MIOS: variants seen among roughly 807,000 people sequenced by gnomAD.
MIOS encodes the protein GATOR2 complex protein MIOS.
A neutral mutation model predicts 96.9 loss-of-function variants in MIOS; 52 were observed. The observed-to-expected ratio is 0.54, with a 90% CI of 0.43 to 0.68. The LOEUF (loss-of-function observed/expected upper bound fraction) is 0.68. Ranked by LOEUF, MIOS falls within the 30% of genes least tolerant of loss-of-function variation. The pLI, the probability that MIOS is intolerant of heterozygous loss-of-function variation, is 0.00. For missense variants in MIOS, 1,005 were observed against 1,052.8 expected, an observed-to-expected ratio of 0.95 and a Z score of 0.63; for synonymous variants, 397 against 359.5, an observed-to-expected ratio of 1.10 and a Z score of -1.18.
intron 8 of MIOS, among the ~76,000 whole-genome samples, 162 bp downstream of exon 8, chr7:7,588,725 C>A (rs774384143): frequency 2.5e-4 from 38 of 152,016 alleles, no homozygotes; most frequent in Non-Finnish European, 4.7e-4. Context: ...AAAATGTCTA[C>A]CATAACTAAA....
At chr7:7,601,711 A>G (rs1251531343) in intron 11 of MIOS, among the ~76,000 whole-genome samples, 2 of 152,230 alleles carry the variant, frequency 1.3e-5, no homozygotes, top group Non-Finnish European at 2.9e-5. Flanking sequence ...AATCCTCCCC[A>G]ACTCATTTTA....
chr7:7,599,912 C>A (rs1164038172), intron 11 of MIOS, among the ~76,000 whole-genome samples: 1 of 152,070 alleles, frequency 6.6e-6, no homozygotes, highest in Non-Finnish European at 1.5e-5. Flanking sequence ...TTATCCTAAG[C>A]AAACTAACAC....
At chr7:7,603,936 A>G (rs1054004332) in intron 11 of MIOS, among the ~76,000 whole-genome samples, 17 of 152,034 alleles carry the variant, frequency 1.1e-4, no homozygotes, top group African/African-American at 3.9e-4. Flanking sequence ...GCTGGAAACC[A>G]TCATTCTCAG....
intron 3 of MIOS, among the ~76,000 whole-genome samples, chr7:7,571,338 C>T (rs1399268273): frequency 6.6e-6 from 1 of 152,128 alleles, no homozygotes; most frequent in Non-Finnish European, 1.5e-5. Flanking sequence ...TACTTTAACA[C>T]TTATTCAAAG....
intron 7 of MIOS, among the ~76,000 whole-genome samples, chr7:7,588,207 G>A (rs950192805): frequency 2.6e-5 from 4 of 152,060 alleles, no homozygotes; most frequent in African/African-American, 7.2e-5. Context: ...GTGCATCATT[G>A]CTTATGTTTT....
At chr7:7,570,496 G>A (rs542375551) in intron 3 of MIOS, among the ~76,000 whole-genome samples, 6 of 152,170 alleles carry the variant, frequency 3.9e-5, no homozygotes, top group African/African-American at 1.4e-4. Context: ...GTTTCAGGAT[G>A]ATTCAAGCGC....
chr7:7,601,979 T>C (rs1258885866), intron 11 of MIOS, among the ~76,000 whole-genome samples: 1 of 152,228 alleles, frequency 6.6e-6, no homozygotes, highest in African/African-American at 2.4e-5. Flanking sequence ...AACCACATGA[T>C]TATCTCAATA....
At chr7:7,580,240 CATTA>C (rs1783668681) in intron 5 of MIOS, among the ~76,000 whole-genome samples, 1 of 152,142 alleles carries the variant, frequency 6.6e-6, no homozygotes, top group South Asian at 2.1e-4. Context: ...TAACTTTTAT[CATTA>C]ATCGTTAAAA....
intron 11 of MIOS, among the ~76,000 whole-genome samples, chr7:7,598,707 T>G (rs1784285286): frequency 6.6e-6 from 1 of 152,174 alleles, no homozygotes. Flanking sequence ...TTTGCATTCT[T>G]ACACCTGGGC....
intron 3 of MIOS, among the ~76,000 whole-genome samples, chr7:7,568,606 A>G (rs546494249): frequency 6.6e-6 from 1 of 152,334 alleles, no homozygotes; most frequent in Admixed American, 6.5e-5. Context: ...CACTTAGTTT[A>G]ATGGCCAGTC....
chr7:7,597,476 A>ATG (rs1784239294), intron 11 of MIOS, among the ~76,000 whole-genome samples: 1 of 17,332 alleles, frequency 5.8e-5, no homozygotes, highest in Non-Finnish European at 1.2e-4. Flanking sequence ...ATTTATATAT[A>ATG]TATATATATA....
At position 7,604,827 on chromosome 7, in the gene MIOS, AAAAC is replaced by A. The variant is rs1784480016; in HGVS notation, c.2402-1111_2402-1108del. ...TTATCTGTTTATGTTAGAAGTTACA[AAAAC>A]AAAGTGACAAGCACTAATGAGAGCT... On this transcript the variant is annotated intron_variant, in intron 11 of 12. Coordinates refer to ENST00000340080, the MANE Select transcript of MIOS (RefSeq NM_019005.4). Among the ~76,000 whole-genome samples, 5 of 152,338 alleles carry A rather than the reference AAAAC, an allele frequency of 3.3e-5. No homozygotes were observed. In the South Asian group the frequency reaches 8.3e-4, roughly 25 times the overall value.
chr7:7,574,748 G>C (rs1783472459), intron 5 of MIOS, among the ~76,000 whole-genome samples: 1 of 151,510 alleles, frequency 6.6e-6, no homozygotes, highest in African/African-American at 2.4e-5. Context: ...AATTGGTATG[G>C]TAAACTATTA....
intron 7 of MIOS, among the ~76,000 whole-genome samples, chr7:7,587,921 A>C (rs949788616): frequency 6.6e-6 from 1 of 152,198 alleles, no homozygotes; most frequent in African/African-American, 2.4e-5. Flanking sequence ...ACGAGTTTAC[A>C]AAAATTTTAG....
At chr7:7,596,490 A>G (rs1166785061) in intron 11 of MIOS, 29 bp downstream of exon 11, 1 of 1,553,672 alleles carries the variant, frequency 6.4e-7, no homozygotes. Flanking sequence ...AAATACTTTT[A>G]TGAACTGAAA....
Position 7,583,105 on chromosome 7 carries a change from T to G in MIOS, c.1394-13T>G. 1 of 1,593,304 alleles carries G rather than the reference T, an allele frequency of 6.3e-7. No homozygotes were observed. The highest frequency in any genetic ancestry group is 8.5e-7 in the Non-Finnish European group (1 of 1,170,384). Reference sequence around the variant, plus strand: ...TTGAAATAAAACAATATAAAAATGTTTTCTGTTTTTAGGAATGGTGGAAAG... The same window carrying G: ...TTGAAATAAAACAATATAAAAATGTGTTCTGTTTTTAGGAATGGTGGAAAG... On this transcript the variant is annotated splice_polypyrimidine_tract_variant and intron_variant, in intron 5 of 12. Coordinates refer to ENST00000340080, the MANE Select transcript of MIOS (RefSeq NM_019005.4).
At chr7:7,605,494 C>T (rs556076669) in intron 11 of MIOS, 1 of 152,768 alleles carries the variant, frequency 6.5e-6, no homozygotes, top group East Asian at 1.9e-4. Context: ...GGAGTTTCAC[C>T]ATGTTGGCCA....
chr7:7,607,293 A>G lies in MIOS; in HGVS notation c.*201A>G. On this transcript the variant is annotated 3_prime_UTR_variant, in exon 13 of 13. Coordinates refer to ENST00000340080, the MANE Select transcript of MIOS (RefSeq NM_019005.4). ...ACAAATGCTGCCAAAATAAACATCG[A>G]AGTATAGACATGAGTTCTGTTCAGC... is the stretch of plus-strand genomic sequence containing the variant. 1 of 474,724 alleles carries G rather than the reference A, an allele frequency of 2.1e-6. No homozygotes were observed. The highest frequency in any genetic ancestry group is 3.7e-6 in the Non-Finnish European group (1 of 270,274). The allele number at this position is 474,724 out of a possible 1,614,324, so 29.4% of individuals were successfully genotyped here.
At chr7:7,592,699 G>T (rs1400404971) in intron 9 of MIOS, among the ~76,000 whole-genome samples, 1 of 152,094 alleles carries the variant, frequency 6.6e-6, no homozygotes, top group Admixed American at 6.6e-5. Context: ...CACATGTGCA[G>T]TTCACAGTAG....
Sources: allele counts gnomAD v4.1 joint callset (sites outside exome capture counted in the v4.1 genomes callset), GRCh38; gene constraint gnomAD v4.1.1; transcripts MANE v1.5; gene names NCBI Gene and HGNC (gene_info 2026-07-23, HGNC 2026-07-21).